Variants in PCDHGA6 observed in about 807,000 individuals in gnomAD.
PCDHGA6 encodes the protein protocadherin gamma subfamily A, 6.
Under a neutral mutation model 60.6 loss-of-function variants are expected in PCDHGA6, and 41 were observed. The ratio of observed to expected loss-of-function variants is 0.68; its 90% confidence interval spans 0.53 to 0.88. The LOEUF (loss-of-function observed/expected upper bound fraction) is 0.88. PCDHGA6 is among the 40% of genes least tolerant of loss of function. PCDHGA6 has a pLI of 0.00. For synonymous variants in PCDHGA6, 594 were observed against 524.4 expected (o/e 1.13, Z -1.81); for missense variants, 1,312 against 1,203.0 (o/e 1.09, Z -1.34).
Position 141,375,106 on chromosome 5 carries a change from T to C in PCDHGA6, c.1023T>C (p.Asn341=). 6.2e-7 allele frequency: 1 copy of C among 1,613,952 alleles called. No individual in the cohort carries two copies. The highest frequency in any genetic ancestry group is 2.2e-5 in the East Asian group (1 of 44,882). Residue 341 remains asparagine, a synonymous_variant, in exon 1 of 4, where the codon AAT becomes AAC. Transcript: ENST00000517434. The part of the protein sequence containing the change: ...AKVLITILDV[N]DNVPEVVVTS... ...TCTTAATAACTATCTTGGATGTCAA[T>C]GATAATGTACCAGAAGTGGTTGTTA...
At position 141,490,155 on chromosome 5, in the gene PCDHGA6, G is replaced by A. The variant is rs753981059; in HGVS notation, c.2425-4652G>A. On this transcript the variant is annotated intron_variant, in intron 1 of 3. Transcript: ENST00000517434. This position sits in a 1 kb window ranked among gnomAD's most constrained non-coding sequence, Gnocchi z 5.4. ...CTAGCAGTGGGGCAATCCATGTGTT[G>A]GGTCCCATAGACTTTGAGGAGTCAC... 2 of 1,614,214 alleles carry A rather than the reference G, an allele frequency of 1.2e-6. No individual in the cohort carries two copies. The highest frequency in any genetic ancestry group is 1.1e-5 in the South Asian group (1 of 91,086).
rs762200805 is a variant in PCDHGA6 at position 141,423,045 on chromosome 5, C to T, written c.2424+46538C>T. 8 of 1,614,210 alleles carry T rather than the reference C, an allele frequency of 5.0e-6. No homozygotes were observed. The East Asian group carries it at 1.8e-4, about 36-fold the overall frequency. ...ATTCAGGCCAGAACGCCTGGCTGTCCTATCGCCTGCTTAAGGCCAGCGAGC... is the reference window on the plus strand; with the variant it reads ...ATTCAGGCCAGAACGCCTGGCTGTCTTATCGCCTGCTTAAGGCCAGCGAGC... On this transcript the variant is annotated intron_variant, in intron 1 of 3. Transcript: ENST00000517434.
At chr5:141,497,092 G>C (rs2099773958) in intron 2 of PCDHGA6, among the ~76,000 whole-genome samples, 1 of 152,092 alleles carries the variant, frequency 6.6e-6, no homozygotes, top group Admixed American at 6.5e-5. Flanking sequence ...AGGAGGCTGA[G>C]GCAGAACTGC....
chr5:141,404,630 C>T (rs1391155615), intron 1 of PCDHGA6: 1 of 1,614,154 alleles, frequency 6.2e-7, no homozygotes, highest in Admixed American at 1.7e-5. Flanking sequence ...TGACAATGCC[C>T]CAGAAATCCT....
intron 1 of PCDHGA6, chr5:141,388,813 T>G: frequency 6.2e-7 from 1 of 1,613,884 alleles, no homozygotes; most frequent in Non-Finnish European, 8.5e-7. Flanking sequence ...TTTGAAGAAG[T>G]CAAAGAATAT....
rs1375647493 is a variant in PCDHGA6 at position 141,375,640 on chromosome 5, C to T, written c.1557C>T (p.Ser519=). 6.2e-7 allele frequency: 1 copy of T among 1,614,226 alleles called. No homozygotes were observed. Among genetic ancestry groups the T allele is most frequent in the Non-Finnish European group, 8.5e-7 (1 of 1,180,026 alleles). ...SDTGILYALR[S]FDYEQLRDLQ... ...CTGGGATTCTGTACGCCCTGCGCTC[C>T]TTCGACTATGAGCAGTTGAGAGACC... Residue 519 remains serine (S), a synonymous_variant, in exon 1 of 4, where the codon TCC becomes TCT. Coordinates refer to ENST00000517434, the MANE Select transcript of PCDHGA6 (RefSeq NM_018919.3).
chr5:141,469,821 G>GTCAC (rs2099212195), intron 1 of PCDHGA6, among the ~76,000 whole-genome samples: 1 of 152,028 alleles, frequency 6.6e-6, no homozygotes, highest in African/African-American at 2.4e-5. Flanking sequence ...TAGAATGGAG[G>GTCAC]TCACATAAAA....
chr5:141,398,175 G>C, intron 1 of PCDHGA6: 1 of 1,475,074 alleles, frequency 6.8e-7, no homozygotes, highest in Non-Finnish European at 9.0e-7. Flanking sequence ...GGCTGCCAGT[G>C]CTCTTTCTCT....
chr5:141,482,500 G>T (rs1409735210), intron 1 of PCDHGA6, among the ~76,000 whole-genome samples: 1 of 133,788 alleles, frequency 7.5e-6, no homozygotes, highest in Non-Finnish European at 1.5e-5. Flanking sequence ...TATCATTCTG[G>T]TACCCAGAGT....
chr5:141,432,584 C>T lies in PCDHGA6; in HGVS notation c.2424+56077C>T, dbSNP rs762935149. The T allele has an allele frequency of 2.3e-5, 37 of 1,613,854 alleles. No individual in the cohort carries two copies. The highest frequency in any genetic ancestry group is 3.3e-4 in the Middle Eastern group (2 of 6,018). On this transcript the variant is annotated intron_variant, in intron 1 of 3. Coordinates refer to ENST00000517434, the MANE Select transcript of PCDHGA6 (RefSeq NM_018919.3). The surrounding 1 kb of genome is among the most constrained non-coding windows in gnomAD (Gnocchi z 6.0). ...GAACGCCTGGCTGTCCTACCGTCTG[C>T]TCAAGGCCAGCGAGCCGGGACTCTT...
At chr5:141,394,635 C>T (rs754317215) in intron 1 of PCDHGA6, 1 of 1,613,428 alleles carries the variant, frequency 6.2e-7, no homozygotes, top group Non-Finnish European at 8.5e-7. Context: ...GTCCTACCGC[C>T]TGCTCAAGGC....
chr5:141,383,695 G>C (rs373055594), intron 1 of PCDHGA6: 3 of 1,613,974 alleles, frequency 1.9e-6, no homozygotes, highest in Non-Finnish European at 2.5e-6. Context: ...CACGGTACAT[G>C]CTATCGACCT....
At chr5:141,500,250 C>T (rs913074120) in intron 2 of PCDHGA6, among the ~76,000 whole-genome samples, 4 of 149,826 alleles carry the variant, frequency 2.7e-5, no homozygotes, top group African/African-American at 9.9e-5. Flanking sequence ...GCTCTGTCAC[C>T]CAGGCTGGAC....
In PCDHGA6 at chr5:141,476,141, G is replaced by A. The variant is rs1011341002; in HGVS notation, c.2425-18666G>A. On this transcript the variant is annotated intron_variant, in intron 1 of 3. Coordinates refer to ENST00000517434, the MANE Select transcript of PCDHGA6 (RefSeq NM_018919.3). This position sits in a 1 kb window ranked among gnomAD's most constrained non-coding sequence, Gnocchi z 7.6. ...GATGGTCCCAGAGGCCTGGAGGAGCGGACTGGTAAGCACCGGGAGGGTAGT... is the reference window on the plus strand; with the variant it reads ...GATGGTCCCAGAGGCCTGGAGGAGCAGACTGGTAAGCACCGGGAGGGTAGT... 5.6e-6 allele frequency: 9 copies of A among 1,609,928 alleles called. No homozygotes were observed. Among genetic ancestry groups the A allele is most frequent in the Non-Finnish European group, 7.6e-6 (9 of 1,178,880 alleles).
At chr5:141,409,920 C>T (rs759433257) in intron 1 of PCDHGA6, 2 of 1,613,400 alleles carry the variant, frequency 1.2e-6, no homozygotes, top group Non-Finnish European at 1.7e-6. Flanking sequence ...GACGGCTCCG[C>T]GTTCTTCGAT....
chr5:141,400,212 C>G (rs773459521), intron 1 of PCDHGA6: 4 of 1,614,058 alleles, frequency 2.5e-6, no homozygotes, highest in Non-Finnish European at 3.4e-6. Context: ...TGGCCTTGAT[C>G]TCAGTGCTCT....
intron 1 of PCDHGA6, chr5:141,387,711 C>T: frequency 9.6e-7 from 1 of 1,041,396 alleles, no homozygotes; most frequent in Non-Finnish European, 1.4e-6. Flanking sequence ...GCAGCCCCAG[C>T]TCAGACTCCC....
chr5:141,439,638 C>T (rs1256973189), intron 1 of PCDHGA6, among the ~76,000 whole-genome samples: 2 of 152,184 alleles, frequency 1.3e-5, no homozygotes, highest in African/African-American at 4.8e-5. Context: ...GACATTCCGG[C>T]TTGGTGGCTT....
chr5:141,404,001 C>T, intron 1 of PCDHGA6: 8 of 1,613,870 alleles, frequency 5.0e-6, no homozygotes, highest in South Asian at 1.1e-5. Context: ...GTGACCATTA[C>T]ATCTCTGTTT....
Sources: gnomAD v4.1 joint callset for allele counts (sites outside exome capture counted in the v4.1 genomes callset) on GRCh38, gnomAD v4.1.1 for gene constraint, Gnocchi (gnomAD v3.1) non-coding constraint, MANE v1.5 for transcripts, NCBI Gene and HGNC (gene_info 2026-07-23, HGNC 2026-07-21) for gene names.